The following FNDC3B variants were observed in gnomAD, a reference collection of about 807,000 sequenced individuals.
The protein encoded by FNDC3B is fibronectin type III domain-containing protein 3B.
A neutral mutation model predicts 151.5 loss-of-function variants in FNDC3B; 12 were observed. The ratio of observed to expected loss-of-function variants is 0.08; its 90% CI spans 0.05 to 0.13. The LOEUF (loss-of-function observed/expected upper bound fraction) is 0.13. Ranked by LOEUF, FNDC3B falls within the 10% of genes least tolerant of loss-of-function variation. The pLI is 1.00. For missense variants in FNDC3B, 1,214 were observed against 1,505.3 expected, an observed-to-expected ratio of 0.81 and a Z score of 3.20; for synonymous variants, 528 against 549.0, an observed-to-expected ratio of 0.96 and a Z score of 0.54.
chr3:172,143,367 G>A (rs1721725849), intron 3 of FNDC3B, among the ~76,000 whole-genome samples: 1 of 152,060 alleles, frequency 6.6e-6, no homozygotes, highest in African/African-American at 2.4e-5. Context: ...TTATATTCAT[G>A]CTTTTAATAA....
At chr3:172,156,342 A>G (rs936913585) in intron 3 of FNDC3B, among the ~76,000 whole-genome samples, 1 of 152,234 alleles carries the variant, frequency 6.6e-6, no homozygotes, top group African/African-American at 2.4e-5. Context: ...CAATTTGACA[A>G]AATCTGGCTC....
chr3:172,224,702 C>T (rs1037009792), intron 3 of FNDC3B, among the ~76,000 whole-genome samples: 3 of 151,108 alleles, frequency 2.0e-5, no homozygotes, highest in Non-Finnish European at 2.9e-5. Flanking sequence ...GCAGGATCTG[C>T]CTTTTACCAA....
chr3:172,378,524 A>G (rs780998877), intron 24 of FNDC3B, 88 bp downstream of exon 24: 8 of 1,172,214 alleles, frequency 6.8e-6, no homozygotes, highest in African/African-American at 1.6e-5. Context: ...CTGATGTTAA[A>G]TATAATGTCA....
At chr3:172,322,856 CAGCT>C (rs144671955) in intron 11 of FNDC3B, among the ~76,000 whole-genome samples, 15,979 of 152,068 alleles carry the variant, frequency 0.11, 894 homozygotes, top group Middle Eastern at 0.19. Flanking sequence ...CCAATCTTCT[CAGCT>C]AGCAGATGGA....
intron 1 of FNDC3B, among the ~76,000 whole-genome samples, chr3:172,090,465 G>C (rs1718764592): frequency 6.6e-6 from 1 of 152,160 alleles, no homozygotes; most frequent in South Asian, 2.1e-4. Flanking sequence ...GGGAGCTGGA[G>C]AAGGACTTGT....
At chr3:172,117,037 A>G (rs761495052) in intron 2 of FNDC3B, among the ~76,000 whole-genome samples, 2 of 152,252 alleles carry the variant, frequency 1.3e-5, no homozygotes, top group African/African-American at 4.8e-5. Flanking sequence ...TAATGCTGCT[A>G]TGCACAGATT....
chr3:172,170,072 G>A (rs80318390), intron 3 of FNDC3B, among the ~76,000 whole-genome samples: 1 of 151,846 alleles, frequency 6.6e-6, no homozygotes, highest in Non-Finnish European at 1.5e-5. Context: ...TTTAAATTTC[G>A]TTATCTATGT....
chr3:172,056,561 G>A (rs554178981), intron 1 of FNDC3B, among the ~76,000 whole-genome samples: 29 of 152,154 alleles, frequency 1.9e-4, no homozygotes, highest in Non-Finnish European at 3.8e-4. Flanking sequence ...ATCTCTAACT[G>A]GTTTAATTGC....
intron 1 of FNDC3B, among the ~76,000 whole-genome samples, chr3:172,105,491 C>T (rs1019992780): frequency 6.6e-6 from 1 of 152,046 alleles, no homozygotes; most frequent in African/African-American, 2.4e-5. Flanking sequence ...ATCCGTCTTT[C>T]TCCAAACACA....
intron 3 of FNDC3B, among the ~76,000 whole-genome samples, chr3:172,141,968 A>C (rs1318262729): frequency 2.0e-5 from 3 of 152,192 alleles, no homozygotes; most frequent in African/African-American, 7.2e-5. Context: ...TAGATTTTGG[A>C]GTGAGATTGC....
chr3:172,162,363 T>A (rs1398631703), intron 3 of FNDC3B, among the ~76,000 whole-genome samples: 1 of 152,248 alleles, frequency 6.6e-6, no homozygotes, highest in African/African-American at 2.4e-5. Context: ...CATATGGATG[T>A]ATCACACTGT....
chr3:172,365,759 T>A (rs1312518504), intron 23 of FNDC3B, among the ~76,000 whole-genome samples: 1 of 152,136 alleles, frequency 6.6e-6, no homozygotes, highest in Non-Finnish European at 1.5e-5. Flanking sequence ...GATGTCTGAG[T>A]TTTATGGGAG....
chr3:172,245,475 T>C (rs1727729259), intron 4 of FNDC3B, among the ~76,000 whole-genome samples: 1 of 152,062 alleles, frequency 6.6e-6, no homozygotes, highest in African/African-American at 2.4e-5. Context: ...TTTTTCTTAA[T>C]AGCTAGTAGA....
intron 1 of FNDC3B, among the ~76,000 whole-genome samples, chr3:172,086,309 A>G (rs942589924): frequency 2.6e-5 from 4 of 152,026 alleles, no homozygotes; most frequent in African/African-American, 9.7e-5. Flanking sequence ...GTAGTGAGCC[A>G]TGATCCTGCC....
chr3:172,310,750 G>A (rs1372079547), intron 10 of FNDC3B, 78 bp from the exon 11 acceptor site: 1 of 1,008,648 alleles, frequency 9.9e-7, no homozygotes, highest in East Asian at 2.4e-5. Context: ...CATAGACACT[G>A]TATGTGAGCC....
chr3:172,190,069 CCTG>C (rs572739745), intron 3 of FNDC3B, among the ~76,000 whole-genome samples: 24 of 152,174 alleles, frequency 1.6e-4, no homozygotes, highest in Non-Finnish European at 3.2e-4. Flanking sequence ...ACCCAGGCGG[CCTG>C]CTTTCAGATC....
intron 3 of FNDC3B, among the ~76,000 whole-genome samples, chr3:172,146,996 G>A (rs1721944808): frequency 6.6e-6 from 1 of 152,094 alleles, no homozygotes; most frequent in South Asian, 2.1e-4. Flanking sequence ...ATTATGCAGA[G>A]TGGACAGACT....
rs1370756163 is a variant in FNDC3B, at chr3:172,295,487, G to A, written c.974G>A (p.Arg325Gln). The change falls in exon 8 of 26, where the codon CGA (arginine) becomes CAA (glutamine). Residue 325 changes from arginine (R) to glutamine (Q), a missense_variant. Transcript: ENST00000415807. ...SYEVALSDKG[R>Q]DGKYKIIYSG... ...GAGGTGGCCTTATCAGACAAAGGAC[G>A]AGATGGAAAATACAAGATAATTTAC... The A allele has an allele frequency of 2.5e-6, 4 of 1,613,880 alleles. No homozygotes were observed. Among genetic ancestry groups the A allele is most frequent in the Admixed American group, 3.3e-5 (2 of 59,998 alleles).
intron 1 of FNDC3B, among the ~76,000 whole-genome samples, chr3:172,082,749 G>T (rs2108500722): frequency 6.6e-6 from 1 of 152,230 alleles, no homozygotes; most frequent in Admixed American, 6.5e-5. Context: ...GGATTTTTAT[G>T]ACTCTTTGCC....
Sources: allele counts gnomAD v4.1 joint callset (sites outside exome capture counted in the v4.1 genomes callset), GRCh38; gene constraint gnomAD v4.1.1; transcripts MANE v1.5; gene names NCBI Gene and HGNC (gene_info 2026-07-23, HGNC 2026-07-21).